Variants in CSDE1 observed in about 807,000 individuals in gnomAD.
The protein encoded by CSDE1 is cold shock domain containing E1.
Under a neutral mutation model 89.3 loss-of-function variants are expected in CSDE1, and 17 were observed. The observed-to-expected ratio is 0.19, with a 90% confidence interval of 0.13 to 0.29. The LOEUF is 0.29. CSDE1 is among the 10% of genes least tolerant of loss of function. The pLI is 1.00. For missense variants in CSDE1, 672 were observed against 984.2 expected (o/e 0.68, Z 4.24); for synonymous variants, 322 against 332.8 (o/e 0.97, Z 0.35).
At chr1:114,737,290 A>T (rs1194274731) in intron 5 of CSDE1, among the ~76,000 whole-genome samples, 181 bp downstream of exon 5, 1 of 152,144 alleles carries the variant, frequency 6.6e-6, no homozygotes, top group Non-Finnish European at 1.5e-5. Context: ...AGACACTTGG[A>T]AGTCCTATGG....
In CSDE1 at chr1:114,739,721, T is replaced by C. The variant is rs770819801; in HGVS notation, c.170A>G (p.Asn57Ser). The change falls in exon 3 of 20, where the codon AAT (asparagine) becomes AGT (serine). Residue 57 changes from asparagine to serine, a missense_variant. Asn to Ser is a conservative substitution (Grantham distance 46). Coordinates refer to ENST00000358528, the MANE Select transcript of CSDE1 (RefSeq NM_001007553.3). ...TACTTTTAAGTCTTGCAGGTTGCCATTATACTGTGAACAGTGGAAGAAAAG... is the reference window on the plus strand; with the variant it reads ...TACTTTTAAGTCTTGCAGGTTGCCACTATACTGTGAACAGTGGAAGAAAAG... ...ARLFFHCSQY[N>S]GNLQDLKVGD... is the part of the protein sequence containing the mutation. 2.8e-5 allele frequency: 45 copies of C among 1,613,716 alleles called. No individual in the cohort carries two copies. The South Asian group carries it at 4.8e-4, about 17-fold the overall frequency.
intron 17 of CSDE1, 87 bp from the exon 18 acceptor site, chr1:114,719,829 G>T (rs1659412025): frequency 2.3e-6 from 3 of 1,304,184 alleles, no homozygotes; most frequent in Admixed American, 4.3e-5. Context: ...CTAAAAGGAT[G>T]TATAAAACAT....
chr1:114,739,054 C>CG (rs1274220853), intron 3 of CSDE1, among the ~76,000 whole-genome samples: 2 of 148,722 alleles, frequency 1.3e-5, no homozygotes, highest in South Asian at 4.3e-4. Flanking sequence ...TTTTTTGAGA[C>CG]GGGGTCTCGC....
rs1017034361 is a variant in CSDE1 at position 114,720,462 on chromosome 1, T to C, written c.2052+77A>G. The C allele has an allele frequency of 1.6e-5, 21 of 1,325,148 alleles. No individual in the cohort carries two copies. The South Asian group carries it at 3.4e-4, about 22-fold the overall frequency. The allele number at this position is 1,325,148 out of a possible 1,614,324, so 82.1% of individuals were successfully genotyped here. A position where few individuals can be genotyped will look rare whatever the true frequency, so the allele number is the denominator to read the frequency against. ...CGAATGAATGTTGATGATTTCCCCT[T>C]GGCTGAAAATATTTGAAGGTTTTGG... On this transcript the variant is annotated intron_variant, in intron 17 of 19. Transcript: ENST00000358528.
chr1:114,734,359 A>G, intron 7 of CSDE1, 83 bp downstream of exon 7: 2 of 1,245,570 alleles, frequency 1.6e-6, no homozygotes, highest in Non-Finnish European at 2.2e-6. Flanking sequence ...ATAAAAAAGA[A>G]AAAAAAAAAC....
At chr1:114,721,125 T>C (rs1446723541) in intron 16 of CSDE1, among the ~76,000 whole-genome samples, 1 of 152,194 alleles carries the variant, frequency 6.6e-6, no homozygotes, top group East Asian at 1.9e-4. Context: ...AGTAAACAAC[T>C]AGGCGGGCAC....
At chr1:114,745,002 TAAAAA>T (rs927746916) in intron 2 of CSDE1, among the ~76,000 whole-genome samples, 1 of 150,994 alleles carries the variant, frequency 6.6e-6, no homozygotes. Flanking sequence ...CATTAAACAT[TAAAAA>T]AAAACTTGAA....
intron 1 of CSDE1, among the ~76,000 whole-genome samples, chr1:114,757,626 T>C (rs1415179593): frequency 6.6e-6 from 1 of 152,098 alleles, no homozygotes. Context: ...TCTTGGCTGC[T>C]GTCGGAGCCT....
rs1239891017 is a variant in CSDE1 at position 114,723,948 on chromosome 1, C to G, written c.1808G>C (p.Arg603Pro). The G allele has an allele frequency of 6.2e-7, 1 of 1,613,978 alleles. No individual in the cohort carries two copies. The change falls in exon 16 of 20, where the codon CGC (arginine) becomes CCC (proline). Residue 603 changes from arginine (R) to proline (P), a missense_variant. Around this residue, in one of 8 missense-constraint regions of CSDE1, gnomAD observed 206 missense variants for 332.4 expected, o/e 0.62. Transcript: ENST00000358528. ...DPTIYSGKVIRPLRSVDPTQT... is the reference protein window; with the variant it reads ...DPTIYSGKVIPPLRSVDPTQT... ...TGTTGGATCAACACTCCTCAGGGGG[C>G]GAATTACTTTGCCAGAGTAAATGGT...
intron 19 of CSDE1, 45 bp from the exon 20 acceptor site, chr1:114,718,261 C>T (rs373120787): frequency 1.5e-5 from 23 of 1,582,442 alleles, no homozygotes; most frequent in Middle Eastern, 1.7e-4. Context: ...ATGATTTGAG[C>T]GCACAACAAT....
intron 9 of CSDE1, 132 bp downstream of exon 9, chr1:114,733,600 C>A: frequency 1.7e-6 from 1 of 580,856 alleles, no homozygotes; most frequent in Non-Finnish European, 2.8e-6. Context: ...TTTAAATATA[C>A]GTAACAAGAG....
chr1:114,730,024 T>C (rs921139270), intron 12 of CSDE1, among the ~76,000 whole-genome samples: 1 of 152,062 alleles, frequency 6.6e-6, no homozygotes, highest in African/African-American at 2.4e-5. Context: ...TTCCAGTGGG[T>C]AGAGGCCAGA....
rs765068651 is a variant in CSDE1 at position 114,725,192 on chromosome 1, A to G, written c.1753+29T>C. 35 of 1,560,896 alleles carry G rather than the reference A, an allele frequency of 2.2e-5. 1 individual carries two copies. In the Admixed American group the frequency reaches 5.8e-4, roughly 26 times the overall value. ...TCCTTTATCTCCCACTTAAAAGCACAGGCTGAATAAGAAGTCACAATTTAT... is the reference window on the plus strand; with the variant it reads ...TCCTTTATCTCCCACTTAAAAGCACGGGCTGAATAAGAAGTCACAATTTAT... On this transcript the variant is annotated intron_variant, in intron 15 of 19. Coordinates refer to ENST00000358528, the MANE Select transcript of CSDE1 (RefSeq NM_001007553.3).
intron 12 of CSDE1, among the ~76,000 whole-genome samples, chr1:114,729,050 C>A (rs1486948852): frequency 1.3e-5 from 2 of 152,142 alleles, no homozygotes; most frequent in East Asian, 3.9e-4. Context: ...AAAGCACATA[C>A]CTGATGTCAT....
At position 114,719,680 on chromosome 1, in the gene CSDE1, A is replaced by C. The variant is rs1003624726; in HGVS notation, c.2115T>G (p.Val705=). Residue 705 remains valine (V), a synonymous_variant, in exon 18 of 20, where the codon GTT becomes GTG. Transcript: ENST00000358528. ...SKKLFFHVKE[V]QDGIELQAGD... is the part of the protein sequence containing the mutation. ...CTGCCTGTAGCTCAATGCCATCCTG[A>C]ACTTCTTTCACATGGAAAAAGAGCT... 3.6e-5 allele frequency: 58 copies of C among 1,614,132 alleles called. No homozygotes were observed. The highest frequency in any genetic ancestry group is 4.8e-5 in the Non-Finnish European group (57 of 1,180,002).
chr1:114,736,984 A>C (rs1391193709), intron 5 of CSDE1, 129 bp from the exon 6 acceptor site: 1 of 644,036 alleles, frequency 1.6e-6, no homozygotes, highest in Non-Finnish European at 2.7e-6. Flanking sequence ...ATGCTTTATG[A>C]CAAGTCACTT....
chr1:114,739,768 C>T lies in CSDE1; in HGVS notation c.123G>A (p.Gln41=), dbSNP rs752351940. The change falls in exon 3 of 20, where the codon CAG becomes CAA. Residue 41 remains glutamine (Q), a synonymous_variant. Coordinates refer to ENST00000358528, the MANE Select transcript of CSDE1 (RefSeq NM_001007553.3). ...EKLLTSYGFI[Q]CSERQARLFF... is the part of the protein sequence containing the mutation. Reference sequence around the variant, plus strand: ...AAAGTCTAGCTTGACGTTCTGAACACTGAATAAATCCGTAAGAGGTTAACA... The same window carrying T: ...AAAGTCTAGCTTGACGTTCTGAACATTGAATAAATCCGTAAGAGGTTAACA... 3 of 1,614,140 alleles carry T rather than the reference C, an allele frequency of 1.9e-6. No individual in the cohort carries two copies. Among genetic ancestry groups the T allele is most frequent in the East Asian group, 2.2e-5 (1 of 44,860 alleles).
intron 2 of CSDE1, among the ~76,000 whole-genome samples, chr1:114,743,755 C>A (rs900335675): frequency 6.6e-6 from 1 of 152,216 alleles, no homozygotes; most frequent in East Asian, 1.9e-4. Flanking sequence ...CTGGGCTCTA[C>A]TGTTCGAGTC....
chr1:114,730,875 T>A (rs1236889128), intron 10 of CSDE1, among the ~76,000 whole-genome samples: 1 of 152,208 alleles, frequency 6.6e-6, no homozygotes, highest in East Asian at 1.9e-4. Flanking sequence ...TCCTGGCAAA[T>A]ATGCACTAGA....
Sources: allele counts gnomAD v4.1 joint callset (sites outside exome capture counted in the v4.1 genomes callset), GRCh38; gene constraint gnomAD v4.1.1; regional missense constraint gnomAD v4.1.1; transcripts MANE v1.5; gene names NCBI Gene and HGNC (gene_info 2026-07-23, HGNC 2026-07-21).